The following PTPRT variants were observed in gnomAD, a reference collection of about 807,000 sequenced individuals.
The protein encoded by PTPRT is protein tyrosine phosphatase receptor type T.
PTPRT carries 56 observed loss-of-function variants against 176.8 expected under a neutral mutation model. The observed-to-expected ratio is 0.32, with a 90% CI of 0.26 to 0.40. PTPRT has a LOEUF of 0.40. Ranked by LOEUF, PTPRT falls within the 10% of genes least tolerant of loss-of-function variation. PTPRT has a pLI of 1.00. For missense variants in PTPRT, 1,540 were observed against 1,908.2 expected (o/e 0.81, Z 3.60); for synonymous variants, 783 against 739.0 (o/e 1.06, Z -0.96).
At chr20:43,042,494 G>A (rs1432769416) in intron 1 of PTPRT, among the ~76,000 whole-genome samples, 1 of 151,922 alleles carries the variant, frequency 6.6e-6, no homozygotes, top group Non-Finnish European at 1.5e-5. Context: ...AAGAGAAAGG[G>A]GCAAAACGGC....
At chr20:42,123,219 G>A (rs1987677234) in intron 19 of PTPRT, among the ~76,000 whole-genome samples, 1 of 152,184 alleles carries the variant, frequency 6.6e-6, no homozygotes, top group Non-Finnish European at 1.5e-5. Context: ...ATTCTAATGT[G>A]CTTGAAATTC....
chr20:42,970,333 G>T (rs1010134617), intron 1 of PTPRT, among the ~76,000 whole-genome samples: 4 of 152,166 alleles, frequency 2.6e-5, no homozygotes, highest in African/African-American at 9.7e-5. Context: ...CAAGGATTCG[G>T]ATCCAGACTT....
chr20:43,004,567 C>T (rs1356995361), intron 1 of PTPRT, among the ~76,000 whole-genome samples: 1 of 152,182 alleles, frequency 6.6e-6, no homozygotes, highest in Non-Finnish European at 1.5e-5. Context: ...ATGGGACTTT[C>T]AACTGCCACC....
intron 15 of PTPRT, among the ~76,000 whole-genome samples, chr20:42,217,395 AC>A (rs2055800453): frequency 1.5e-5 from 2 of 129,234 alleles, no homozygotes; most frequent in Admixed American, 1.4e-4. Context: ...ACACACACAC[AC>A]ACACACACAC....
At chr20:43,061,731 A>G (rs911561213) in intron 1 of PTPRT, among the ~76,000 whole-genome samples, 1 of 152,204 alleles carries the variant, frequency 6.6e-6, no homozygotes, top group African/African-American at 2.4e-5. Flanking sequence ...CATTTTACAG[A>G]TCTGATCCAA....
At chr20:42,587,580 G>A (rs1444788647) in intron 7 of PTPRT, among the ~76,000 whole-genome samples, 3 of 152,140 alleles carry the variant, frequency 2.0e-5, no homozygotes, top group Admixed American at 1.3e-4. Flanking sequence ...TCAGACTCAC[G>A]CTGAGTCATG....
At chr20:42,039,228 TA>T in the PTPRT span, among the ~76,000 whole-genome samples, 1 of 152,198 alleles carries the variant, frequency 6.6e-6, no homozygotes, top group Non-Finnish European at 1.5e-5. Context: ...AATTGACAAG[TA>T]AAAATTGTAT....
At chr20:42,626,540 CT>C in intron 7 of PTPRT, among the ~76,000 whole-genome samples, 1 of 152,300 alleles carries the variant, frequency 6.6e-6, no homozygotes, top group South Asian at 2.1e-4. Flanking sequence ...AGCTACCCTC[CT>C]TTTTTCTACA....
intron 17 of PTPRT, among the ~76,000 whole-genome samples, chr20:42,159,137 T>G (rs1402896694): frequency 6.6e-6 from 1 of 151,746 alleles, no homozygotes; most frequent in African/African-American, 2.4e-5. Flanking sequence ...CATATCTCCC[T>G]TAATGATATT....
intron 1 of PTPRT, among the ~76,000 whole-genome samples, chr20:42,935,902 C>A (rs1044895835): frequency 2.6e-5 from 4 of 152,150 alleles, no homozygotes; most frequent in Non-Finnish European, 4.4e-5. Flanking sequence ...GCATGTGCCA[C>A]CACATCTAGC....
In PTPRT at chr20:42,483,472, G is replaced by A. The variant is rs62204945; in HGVS notation, c.1154-10910C>T. ...GAGCCATCGTGTCCAGCCTCCACTC[G>A]TTCTTTAGGCCTTCCTTTAAACATT... On this transcript the variant is annotated intron_variant, in intron 7 of 30. Transcript: ENST00000373187. 8.4e-3 allele frequency among the ~76,000 whole-genome samples: 1,273 copies of A among 152,256 alleles called. 11 individuals carry two copies. Among genetic ancestry groups the A allele is most frequent in the Middle Eastern group, 0.014 (4 of 294 alleles).
At chr20:42,546,618 A>G (rs2072679243) in intron 7 of PTPRT, among the ~76,000 whole-genome samples, 2 of 152,290 alleles carry the variant, frequency 1.3e-5, no homozygotes, top group Middle Eastern at 3.4e-3. Context: ...CTTGGCTTTC[A>G]GCATGCCTTC....
intron 6 of PTPRT, among the ~76,000 whole-genome samples, chr20:42,747,125 T>C (rs1036697403): frequency 2.6e-5 from 4 of 151,916 alleles, no homozygotes; most frequent in Admixed American, 2.0e-4. Context: ...AGAAAAGAAT[T>C]AAGGAAACGT....
chr20:42,871,243 T>C (rs939984154), intron 2 of PTPRT, among the ~76,000 whole-genome samples: 5 of 152,006 alleles, frequency 3.3e-5, no homozygotes, highest in African/African-American at 1.2e-4. Context: ...TGAACCACCG[T>C]GCCTGGCCGT....
intron 11 of PTPRT, among the ~76,000 whole-genome samples, chr20:42,347,608 G>C (rs1235614383): frequency 1.3e-5 from 2 of 152,074 alleles, no homozygotes; most frequent in African/African-American, 4.8e-5. Flanking sequence ...TTTAATAAGT[G>C]AACACCACAT....
intron 1 of PTPRT, among the ~76,000 whole-genome samples, chr20:42,926,221 G>A (rs954392180): frequency 6.6e-6 from 1 of 152,056 alleles, no homozygotes; most frequent in Non-Finnish European, 1.5e-5. Context: ...CTCTCTCCCT[G>A]ACCAAGACTT....
intron 6 of PTPRT, among the ~76,000 whole-genome samples, chr20:42,703,102 C>T (rs903412850): frequency 6.6e-6 from 1 of 152,140 alleles, no homozygotes; most frequent in Non-Finnish European, 1.5e-5. Context: ...TGCCCAACTG[C>T]AATCATAAAT....
intron 13 of PTPRT, among the ~76,000 whole-genome samples, chr20:42,278,207 T>C (rs2147038408): frequency 7.0e-6 from 1 of 142,132 alleles, no homozygotes; most frequent in African/African-American, 2.6e-5. Context: ...GGATATACAT[T>C]AAAACAGAGG....
intron 7 of PTPRT, among the ~76,000 whole-genome samples, chr20:42,520,618 G>T (rs1400892508): frequency 4.1e-4 from 62 of 151,912 alleles, no homozygotes; most frequent in Non-Finnish European, 1.2e-4. Context: ...GCATCTACAT[G>T]CTTACTCTAA....
Sources: allele counts gnomAD v4.1 joint callset (sites outside exome capture counted in the v4.1 genomes callset), GRCh38; gene constraint gnomAD v4.1.1; transcripts MANE v1.5; gene names NCBI Gene and HGNC (gene_info 2026-07-23, HGNC 2026-07-21).